C10orf143: variants seen among roughly 807,000 people sequenced by gnomAD.
C10orf143 encodes chromosome 10 open reading frame 143.
intron 1 of C10orf143, among the ~76,000 whole-genome samples, chr10:130,081,759 T>A (rs1840475418): frequency 3.0e-4 from 1 of 3,324 alleles, no homozygotes; most frequent in Admixed American, 3.2e-3. Context: ...ATGAAAACAC[T>A]ACATATCAGA....
downstream of C10orf143, among the ~76,000 whole-genome samples, chr10:130,059,940 GAGTGACGAC>G (rs1371147698): frequency 6.6e-6 from 1 of 152,202 alleles, no homozygotes; most frequent in Non-Finnish European, 1.5e-5. Context: ...TGTGTGTTAG[GAGTGACGAC>G]TGTATTGTGG....
chr10:130,062,722 A>G (rs1860870023), downstream of C10orf143, among the ~76,000 whole-genome samples: 1 of 152,198 alleles, frequency 6.6e-6, no homozygotes, highest in Admixed American at 6.5e-5. Context: ...ATGCAAGTCA[A>G]TACTCCTTAA....
At chr10:130,051,570 CACCT>C in intron 3 of C10orf143, among the ~76,000 whole-genome samples, 1 of 21,664 alleles carries the variant, frequency 4.6e-5, no homozygotes. Context: ...CTCCCGCCCC[CACCT>C]AGTTAAGAGT....
chr10:130,101,871 A>AC lies in C10orf143; in HGVS notation c.69+8832_69+8833insG, dbSNP rs1367195228. Among the ~76,000 whole-genome samples, 387 of 139,544 alleles carry AC rather than the reference A, an allele frequency of 2.8e-3. 11 individuals are homozygous for AC. Among genetic ancestry groups the AC allele is most frequent in the African/African-American group, 0.011 (368 of 32,636 alleles). 91.5% of individuals were successfully genotyped at this position (139,544 alleles called of 152,430 possible). On this transcript the variant is annotated intron_variant, in intron 1 of 3. Coordinates refer to ENST00000637128, the MANE Select transcript of C10orf143 (RefSeq NM_001355042.2). Reference sequence around the variant, plus strand: ...TCTCAAAAAAAAAAAAAACCAAAAAAAAAAAAAAAAAAAACTTTTTCAGAA... The same window carrying AC: ...TCTCAAAAAAAAAAAAAACCAAAAAACAAAAAAAAAAAAAACTTTTTCAGAA...
At chr10:130,083,039 A>G (rs926682514) in intron 1 of C10orf143, among the ~76,000 whole-genome samples, 1 of 152,208 alleles carries the variant, frequency 6.6e-6, no homozygotes, top group Non-Finnish European at 1.5e-5. Flanking sequence ...TATACCACAG[A>G]AAAAGGGTGA....
Position 130,036,281 on chromosome 10 carries a change from C to T in C10orf143, c.298-311G>A, listed in dbSNP as rs371044709. Reference sequence around the variant, plus strand: ...CACTTCCCATGCCAGGCCTGTCTGACGAGGAGCCCATCTGGGGTCTTGAGC... The same window carrying T: ...CACTTCCCATGCCAGGCCTGTCTGATGAGGAGCCCATCTGGGGTCTTGAGC... On this transcript the variant is annotated intron_variant and NMD_transcript_variant, in intron 3 of 5. Transcript: ENST00000643056. Among the ~76,000 whole-genome samples, 81 of 152,306 alleles carry T rather than the reference C, an allele frequency of 5.3e-4. No homozygotes were observed. In the South Asian group the frequency reaches 0.014, roughly 26 times the overall value.
In C10orf143 at chr10:130,039,362, C is replaced by T. The variant is rs1412134387; in HGVS notation, c.298-3392G>A. On this transcript the variant is annotated intron_variant and NMD_transcript_variant, in intron 3 of 5. Coordinates refer to the C10orf143 transcript ENST00000643056. ...AGTCCAAGCCCAAAGGCCTGAGAGCCAGGGGAGTCCGCCACGTGAGTCCCA... is the reference window on the plus strand; with the variant it reads ...AGTCCAAGCCCAAAGGCCTGAGAGCTAGGGGAGTCCGCCACGTGAGTCCCA... Among the ~76,000 whole-genome samples, 6 of 152,138 alleles carry T rather than the reference C, an allele frequency of 3.9e-5. No homozygotes were observed. In the East Asian group the frequency reaches 1.2e-3, roughly 29 times the overall value.
intron 1 of C10orf143, chr10:130,101,178 G>A (rs1342090326): frequency 5.3e-5 from 8 of 150,954 alleles, no homozygotes; most frequent in Non-Finnish European, 4.4e-5. Flanking sequence ...AAGATCGTGC[G>A]ACTGTACTCC....
rs556806151 is a variant in C10orf143 at position 130,110,584 on chromosome 10, A to T, written c.69+120T>A. The stretch of plus-strand genomic sequence containing the variant: ...TCCCAGGGACGTACGCGAGCGTGCG[A>T]GTGTCTTGGGCCAGGCCTCCTCACA... On this transcript the variant is annotated intron_variant, in intron 1 of 3. Coordinates refer to ENST00000637128, the MANE Select transcript of C10orf143 (RefSeq NM_001355042.2). The T allele has an allele frequency of 1.1e-3, 421 of 397,488 alleles. 4 individuals are homozygous for T. Among genetic ancestry groups the T allele is most frequent in the African/African-American group, 6.8e-3 (332 of 48,722 alleles). The allele number at this position is 397,488 out of a possible 1,614,324, so 24.6% of individuals were successfully genotyped here.
rs758703852 is a variant in C10orf143 at position 130,107,076 on chromosome 10, C to T, written c.69+3628G>A. ...ATCCAGTTACCTGAAATTGATAAAA[C>T]AAAGGAAGAGCTTACAGAGCATATT... On this transcript the variant is annotated intron_variant, in intron 1 of 3. Coordinates refer to ENST00000637128, the MANE Select transcript of C10orf143 (RefSeq NM_001355042.2). The T allele has an allele frequency of 4.5e-6, 7 of 1,558,196 alleles. 1 individual carries two copies. Among genetic ancestry groups the T allele is most frequent in the Non-Finnish European group, 6.2e-6 (7 of 1,130,112 alleles).
intron 3 of C10orf143, among the ~76,000 whole-genome samples, chr10:130,045,535 G>C (rs944690571): frequency 6.6e-6 from 1 of 152,210 alleles, no homozygotes; most frequent in Non-Finnish European, 1.5e-5. Context: ...CGAGCGCCAC[G>C]CCCCAAAACC....
At chr10:130,073,571 G>A (rs1448002851) in intron 3 of C10orf143, among the ~76,000 whole-genome samples, 1 of 151,910 alleles carries the variant, frequency 6.6e-6, no homozygotes, top group South Asian at 2.1e-4. Context: ...TGGTCCCAAC[G>A]GCACTACTTT....
intron 1 of C10orf143, among the ~76,000 whole-genome samples, chr10:130,103,362 C>T (rs1183861507): frequency 1.3e-5 from 2 of 152,158 alleles, no homozygotes; most frequent in Admixed American, 1.3e-4. Flanking sequence ...AGCTGGCACA[C>T]TCCTGTAGTC....
chr10:130,089,883 T>C (rs1473559556), intron 1 of C10orf143, among the ~76,000 whole-genome samples: 9 of 152,186 alleles, frequency 5.9e-5, no homozygotes, highest in African/African-American at 1.7e-4. Flanking sequence ...TCTTGACATA[T>C]ATCATGCACA....
intron 1 of C10orf143, among the ~76,000 whole-genome samples, chr10:130,094,838 A>G (rs1178260718): frequency 6.6e-6 from 1 of 152,170 alleles, no homozygotes; most frequent in African/African-American, 2.4e-5. Context: ...CCCCTCCCTC[A>G]CCACTCCTAT....
chr10:130,107,312 A>T (rs756728868), intron 1 of C10orf143: 2 of 1,083,392 alleles, frequency 1.8e-6, no homozygotes, highest in Non-Finnish European at 2.9e-6. Context: ...CAGCCATGCC[A>T]CTAAAGAGCT....
chr10:130,075,467 A>G (rs1000813181), intron 3 of C10orf143, among the ~76,000 whole-genome samples: 4 of 152,220 alleles, frequency 2.6e-5, no homozygotes, highest in Non-Finnish European at 5.9e-5. Flanking sequence ...TTTCCTCCCC[A>G]GGAGAATCTG....
chr10:130,040,209 G>A (rs1564950725), intron 3 of C10orf143, among the ~76,000 whole-genome samples: 1 of 152,156 alleles, frequency 6.6e-6, no homozygotes, highest in African/African-American at 2.4e-5. Flanking sequence ...CCAGCCCCCA[G>A]TCCCTGCTGG....
chr10:130,093,731 G>C (rs549850605), intron 1 of C10orf143, among the ~76,000 whole-genome samples: 35 of 152,142 alleles, frequency 2.3e-4, no homozygotes, highest in African/African-American at 7.7e-4. Flanking sequence ...TGATAAAGGG[G>C]GCCAGGCGCG....
Sources: allele counts gnomAD v4.1 joint callset (sites outside exome capture counted in the v4.1 genomes callset), GRCh38; gene constraint gnomAD v4.1.1; transcripts MANE v1.5; gene names NCBI Gene and HGNC (gene_info 2026-07-23, HGNC 2026-07-21).